The following RORB variants were observed in gnomAD, a reference collection of about 807,000 sequenced individuals.
RORB encodes the protein RAR related orphan receptor B.
A neutral mutation model predicts 59.1 loss-of-function variants in RORB; 6 were observed. The observed-to-expected ratio is 0.10, with a 90% CI of 0.06 to 0.20. RORB has a LOEUF of 0.20. RORB is among the 10% of genes least tolerant of loss of function. The pLI is 1.00. For synonymous variants in RORB, 215 were observed against 204.5 expected, an observed-to-expected ratio of 1.05 and a Z score of -0.44; for missense variants, 320 against 560.5, an observed-to-expected ratio of 0.57 and a Z score of 4.33.
intron 1 of RORB, among the ~76,000 whole-genome samples, chr9:74,556,199 G>T (rs1216836450): frequency 6.6e-6 from 1 of 152,110 alleles, no homozygotes; most frequent in South Asian, 2.1e-4. Context: ...TAAGTCCTTG[G>T]AACTATTTGT....
intron 1 of RORB, among the ~76,000 whole-genome samples, chr9:74,553,541 C>A (rs1292427631): frequency 6.6e-6 from 1 of 151,658 alleles, no homozygotes; most frequent in Non-Finnish European, 1.5e-5. Context: ...TAGTATTCAA[C>A]AGTGAGGTGA....
At chr9:74,554,566 T>C (rs1316994978) in intron 1 of RORB, among the ~76,000 whole-genome samples, 1 of 114,460 alleles carries the variant, frequency 8.7e-6, no homozygotes, top group East Asian at 2.0e-4. Flanking sequence ...CAGATGCAAT[T>C]TGAATAACTT....
In RORB at chr9:74,497,756, C is replaced by T. The variant is rs564023473; in HGVS notation, c.-221C>T. 5 of 525,094 alleles carry T rather than the reference C, an allele frequency of 9.5e-6. No individual in the cohort carries two copies. The highest frequency in any genetic ancestry group is 3.1e-5 in the Admixed American group (1 of 32,090). The allele number at this position is 525,094 out of a possible 1,614,324, so 32.5% of individuals were successfully genotyped here. On this transcript the variant is annotated 5_prime_UTR_variant, in exon 1 of 10. Transcript: ENST00000376896. ...GAAAACAAACAAACAAACAAACAAT[C>T]ATCAAAACAGTCACCACCAACATCA...
chr9:74,632,869 G>A lies in RORB; in HGVS notation c.94-1762G>A, dbSNP rs192751293. ...ATCATTTCAATCCCTGGGAGCTTAC[G>A]TTTGATCTCCATTCTAAGATGCTCC... is the stretch of plus-strand genomic sequence containing the variant. On this transcript the variant is annotated intron_variant, in intron 2 of 9. Coordinates refer to ENST00000376896, the MANE Select transcript of RORB (RefSeq NM_006914.4). Among the ~76,000 whole-genome samples, 546 of 152,250 alleles carry A rather than the reference G, an allele frequency of 3.6e-3. 2 individuals carry two copies. The highest frequency in any genetic ancestry group is 6.1e-3 in the Non-Finnish European group (414 of 68,006).
intron 1 of RORB, among the ~76,000 whole-genome samples, chr9:74,534,572 T>C (rs1487104072): frequency 1.3e-5 from 2 of 152,036 alleles, no homozygotes; most frequent in African/African-American, 4.8e-5. Context: ...TAATGACAGA[T>C]GCTAATTCTA....
chr9:74,555,447 G>A (rs1822272944), intron 1 of RORB, among the ~76,000 whole-genome samples: 1 of 152,134 alleles, frequency 6.6e-6, no homozygotes, highest in African/African-American at 2.4e-5. Flanking sequence ...TGATGGGAGA[G>A]AAATAAAACC....
intron 3 of RORB, among the ~76,000 whole-genome samples, chr9:74,635,968 A>C (rs899390025): frequency 6.6e-6 from 1 of 151,902 alleles, no homozygotes; most frequent in African/African-American, 2.4e-5. Context: ...AAAAAAAAAA[A>C]AAAACAGAAT....
chr9:74,547,295 G>T (rs1161271649), intron 1 of RORB, among the ~76,000 whole-genome samples: 1 of 152,132 alleles, frequency 6.6e-6, no homozygotes, highest in Non-Finnish European at 1.5e-5. Flanking sequence ...GTGGTGGTTT[G>T]AACTTGGAGG....
At chr9:74,518,575 G>A (rs983742296) in intron 1 of RORB, among the ~76,000 whole-genome samples, 11 of 152,024 alleles carry the variant, frequency 7.2e-5, no homozygotes, top group Middle Eastern at 6.8e-3. Flanking sequence ...TCTTTGCCCC[G>A]CCACGATCCT....
At chr9:74,669,446 T>G (rs1211583585) in intron 8 of RORB, among the ~76,000 whole-genome samples, 2 of 140,658 alleles carry the variant, frequency 1.4e-5, no homozygotes, top group African/African-American at 5.4e-5. Context: ...GCCATTTCAC[T>G]CCAGCCTGGG....
intron 1 of RORB, among the ~76,000 whole-genome samples, chr9:74,540,155 A>G (rs1297290009): frequency 6.6e-6 from 1 of 152,034 alleles, no homozygotes; most frequent in African/African-American, 2.4e-5. Context: ...TTTTTAAAAA[A>G]TATATTTTGT....
At position 74,627,033 on chromosome 9, in the gene RORB, A is replaced by G. The variant is rs544715902; in HGVS notation, c.8-3249A>G. On this transcript the variant is annotated intron_variant, in intron 1 of 9. Transcript: ENST00000376896. The stretch of plus-strand genomic sequence containing the variant: ...AAAAATTAGCTGGGCATGGTGGCAC[A>G]CACCGGTAGTCCCAGCTGCTGGGGA... Among the ~76,000 whole-genome samples, 28 of 152,098 alleles carry G rather than the reference A, an allele frequency of 1.8e-4. No homozygotes were observed. The East Asian group carries it at 5.2e-3, about 28-fold the overall frequency.
At chr9:74,633,623 C>T (rs1823654646) in intron 2 of RORB, among the ~76,000 whole-genome samples, 1 of 152,152 alleles carries the variant, frequency 6.6e-6, no homozygotes, top group Admixed American at 6.5e-5. Context: ...TTATCTATCT[C>T]TGGAGAAAAT....
At chr9:74,632,987 T>G (rs1450311748) in intron 2 of RORB, among the ~76,000 whole-genome samples, 1 of 152,164 alleles carries the variant, frequency 6.6e-6, no homozygotes, top group Non-Finnish European at 1.5e-5. Context: ...GGGATGAAAC[T>G]AGTCCCTGTT....
intron 4 of RORB, among the ~76,000 whole-genome samples, chr9:74,657,874 G>A (rs1403925958): frequency 6.6e-6 from 1 of 151,558 alleles, no homozygotes; most frequent in Admixed American, 6.6e-5. Flanking sequence ...GTGTGGTGGT[G>A]GGCACCTGTA....
chr9:74,556,980 C>G (rs1822303736), intron 1 of RORB, among the ~76,000 whole-genome samples: 1 of 152,066 alleles, frequency 6.6e-6, no homozygotes, highest in African/African-American at 2.4e-5. Flanking sequence ...ACTATACTAT[C>G]GTATGGTAGA....
chr9:74,616,331 A>T (rs1401797698), intron 1 of RORB, among the ~76,000 whole-genome samples: 1 of 152,198 alleles, frequency 6.6e-6, no homozygotes, highest in South Asian at 2.1e-4. Context: ...AATTGATATA[A>T]TTGTTTCAAA....
chr9:74,601,318 G>A (rs1423866052), intron 1 of RORB, among the ~76,000 whole-genome samples: 1 of 150,072 alleles, frequency 6.7e-6, no homozygotes, highest in Non-Finnish European at 1.5e-5. Flanking sequence ...TAACAATTGT[G>A]GTTTTTATTT....
chr9:74,621,575 G>A (rs4745347), intron 1 of RORB, among the ~76,000 whole-genome samples: 116,074 of 152,164 alleles, frequency 0.76, 45,064 homozygotes, highest in East Asian at 0.93. Flanking sequence ...TCATGTGGAC[G>A]TAAGTTTTCA....
Sources: allele counts gnomAD v4.1 joint callset (sites outside exome capture counted in the v4.1 genomes callset), GRCh38; gene constraint gnomAD v4.1.1; transcripts MANE v1.5; gene names NCBI Gene and HGNC (gene_info 2026-07-23, HGNC 2026-07-21).